Variants in SLC26A8 observed in about 807,000 individuals in gnomAD.
SLC26A8 encodes the protein testis anion transporter 1.
In SLC26A8, 70 loss-of-function variants were observed where a neutral mutation model predicts 105.0. The ratio of observed to expected loss-of-function variants is 0.67; its 90% confidence interval spans 0.55 to 0.81. SLC26A8 has a LOEUF of 0.81. Ranked by LOEUF, SLC26A8 falls within the 40% of genes least tolerant of loss-of-function variation. SLC26A8 has a pLI of 0.00. For synonymous variants in SLC26A8, 415 were observed against 438.3 expected (o/e 0.95, Z 0.66); for missense variants, 998 against 1,181.8 (o/e 0.84, Z 2.28).
intron 9 of SLC26A8, among the ~76,000 whole-genome samples, chr6:35,976,797 G>T (rs1218976530): frequency 2.0e-5 from 3 of 151,914 alleles, no homozygotes; most frequent in Non-Finnish European, 4.4e-5. Context: ...ACCTGCCTTG[G>T]CCTCCCAAAG....
chr6:35,959,837 T>A, intron 14 of SLC26A8, 31 bp from the exon 15 acceptor site: 84 of 913,908 alleles, frequency 9.2e-5, no homozygotes, highest in Non-Finnish European at 1.3e-4. Flanking sequence ...TTGAGGGAAA[T>A]TTCTCAGTTA....
intron 7 of SLC26A8, among the ~76,000 whole-genome samples, chr6:35,991,238 TAA>T (rs11308158): frequency 6.6e-6 from 1 of 151,246 alleles, no homozygotes; most frequent in Non-Finnish European, 1.5e-5. Flanking sequence ...CTGTCTCTAT[TAA>T]AAAAAATACA....
chr6:35,970,794 G>A (rs914593182), intron 10 of SLC26A8, among the ~76,000 whole-genome samples: 2 of 152,152 alleles, frequency 1.3e-5, no homozygotes, highest in African/African-American at 4.8e-5. Context: ...GGGAGGCCGA[G>A]CCAGGCAGAT....
chr6:36,004,844 T>TG (rs1328783003), intron 3 of SLC26A8, among the ~76,000 whole-genome samples: 1 of 144,548 alleles, frequency 6.9e-6, no homozygotes, highest in Non-Finnish European at 1.5e-5. Flanking sequence ...TTTTTTTTTT[T>TG]AGTAGAGACA....
Position 35,959,608 on chromosome 6 carries a change from G to C in SLC26A8, c.1732-17C>G, listed in dbSNP as rs574261617. 5 of 1,610,742 alleles carry C rather than the reference G, an allele frequency of 3.1e-6. No homozygotes were observed. In the South Asian group the frequency reaches 5.5e-5, roughly 18 times the overall value. On this transcript the variant is annotated splice_polypyrimidine_tract_variant and intron_variant, in intron 15 of 19. Coordinates refer to ENST00000490799, the MANE Select transcript of SLC26A8 (RefSeq NM_052961.4). ...CATATCAACCTGAAAGACATGAGAG[G>C]TCTCATCCAGAGGAAGAATGGTGGA...
At chr6:35,962,460 G>A (rs935850407) in intron 12 of SLC26A8, 66 bp downstream of exon 12, 2 of 1,303,066 alleles carry the variant, frequency 1.5e-6, no homozygotes, top group Admixed American at 3.5e-5. Context: ...TCTTTTGTTT[G>A]TTCTTTCTCC....
intron 9 of SLC26A8, among the ~76,000 whole-genome samples, chr6:35,976,823 C>G (rs887856777): frequency 6.6e-6 from 1 of 152,040 alleles, no homozygotes; most frequent in East Asian, 1.9e-4. Context: ...GGATTACAGA[C>G]GTGAGCCACT....
At chr6:35,944,396 C>T (rs552361518) in intron 19 of SLC26A8, 56 bp from the exon 20 acceptor site, 36 of 1,253,516 alleles carry the variant, frequency 2.9e-5, no homozygotes, top group South Asian at 2.1e-4. Flanking sequence ...TTCTGCTGAA[C>T]GCAGTGGCTC....
chr6:35,961,306 C>T (rs576705754), intron 12 of SLC26A8, among the ~76,000 whole-genome samples: 55 of 152,198 alleles, frequency 3.6e-4, no homozygotes, highest in African/African-American at 1.3e-3. Flanking sequence ...TCCCTGGTCG[C>T]CTCTGTCTTC....
At chr6:35,972,542 T>G (rs1399532483) in intron 10 of SLC26A8, among the ~76,000 whole-genome samples, 1 of 152,154 alleles carries the variant, frequency 6.6e-6, no homozygotes, top group Non-Finnish European at 1.5e-5. Flanking sequence ...CTGCCATGTG[T>G]AGGGCCAGGG....
chr6:35,991,055 C>A, intron 7 of SLC26A8, among the ~76,000 whole-genome samples: 1 of 151,944 alleles, frequency 6.6e-6, no homozygotes, highest in Middle Eastern at 3.2e-3. Flanking sequence ...CTTAAATGTT[C>A]TCACAACAAA....
Position 35,997,927 on chromosome 6 carries a change from A to C in SLC26A8, c.446-8T>G. The C allele has an allele frequency of 1.2e-6, 2 of 1,612,762 alleles. No homozygotes were observed. Among genetic ancestry groups the C allele is most frequent in the East Asian group, 2.2e-5 (1 of 44,864 alleles). On this transcript the variant is annotated splice_region_variant and splice_polypyrimidine_tract_variant and intron_variant, in intron 4 of 19. Coordinates refer to ENST00000490799, the MANE Select transcript of SLC26A8 (RefSeq NM_052961.4). ...TCACCAGGAAGAAGGAACCTGTGGA[A>C]GAAGATGTTAGGTAGAAGGTGAAGT...
At chr6:35,980,074 G>C (rs1381864078) in intron 8 of SLC26A8, among the ~76,000 whole-genome samples, 1 of 152,226 alleles carries the variant, frequency 6.6e-6, no homozygotes, top group Non-Finnish European at 1.5e-5. Flanking sequence ...CCGGGTTCAA[G>C]TGATTCTCTT....
intron 3 of SLC26A8, 86 bp downstream of exon 3, chr6:36,012,147 T>C: frequency 6.6e-7 from 1 of 1,508,330 alleles, no homozygotes; most frequent in Non-Finnish European, 9.0e-7. Context: ...TTTCTATTCA[T>C]GTAGCACAAG....
Position 35,955,048 on chromosome 6 carries a change from C to G in SLC26A8, c.2232+104G>C, listed in dbSNP as rs1432439176. 13 of 1,407,462 alleles carry G rather than the reference C, an allele frequency of 9.2e-6. 1 individual carries two copies. The South Asian group carries it at 1.6e-4, about 17-fold the overall frequency. The allele number at this position is 1,407,462 out of a possible 1,614,324, so 87.2% of individuals were successfully genotyped here. ...CAAGGCTCTGGTGGCCTAGCAGTCT[C>G]ATAGCAGCTGATCAGTGACTAACAG... On this transcript the variant is annotated intron_variant, in intron 17 of 19. Coordinates refer to ENST00000490799, the MANE Select transcript of SLC26A8 (RefSeq NM_052961.4).
chr6:36,018,852 C>T (rs1028581545), intron 2 of SLC26A8, among the ~76,000 whole-genome samples: 2 of 152,144 alleles, frequency 1.3e-5, no homozygotes, highest in African/African-American at 4.8e-5. Context: ...ATGAGTACCA[C>T]CATGTGGGCA....
chr6:35,968,360 G>T (rs978960716), intron 11 of SLC26A8, among the ~76,000 whole-genome samples: 2 of 148,464 alleles, frequency 1.3e-5, no homozygotes, highest in African/African-American at 5.0e-5. Context: ...GGCCAGGCGG[G>T]TCTTGAACTC....
intron 8 of SLC26A8, among the ~76,000 whole-genome samples, chr6:35,978,766 G>A (rs1258268541): frequency 6.6e-6 from 1 of 151,280 alleles, no homozygotes. Flanking sequence ...TTCACTTTTA[G>A]CACCTCAAAG....
chr6:35,969,744 T>TA (rs1772714598), intron 10 of SLC26A8: 1 of 152,102 alleles, frequency 6.6e-6, no homozygotes, highest in African/African-American at 2.4e-5. Flanking sequence ...AGCTTCATCT[T>TA]AAAAAACACA....
Sources: allele counts gnomAD v4.1 joint callset (sites outside exome capture counted in the v4.1 genomes callset), GRCh38; gene constraint gnomAD v4.1.1; transcripts MANE v1.5; gene names NCBI Gene and HGNC (gene_info 2026-07-23, HGNC 2026-07-21).